The following CCSER1 variants were observed in gnomAD, a reference collection of about 807,000 sequenced individuals.
CCSER1 encodes coiled-coil serine rich protein 1, also known as serine-rich coiled-coil domain-containing protein 1.
A neutral mutation model predicts 82.0 loss-of-function variants in CCSER1; 41 were observed. The ratio of observed to expected loss-of-function variants is 0.50; its 90% CI spans 0.39 to 0.65. The LOEUF is 0.65. Ranked by LOEUF, CCSER1 falls within the 30% of genes least tolerant of loss-of-function variation. The pLI is 0.00. For missense variants in CCSER1, 1,119 were observed against 1,064.2 expected, an observed-to-expected ratio of 1.05 and a Z score of -0.72; for synonymous variants, 414 against 383.9, an observed-to-expected ratio of 1.08 and a Z score of -0.92.
intron 7 of CCSER1, among the ~76,000 whole-genome samples, chr4:90,778,779 T>A (rs1460094989): frequency 2.0e-5 from 3 of 149,814 alleles, no homozygotes; most frequent in African/African-American, 7.3e-5. Flanking sequence ...TTGGTTGACT[T>A]AAAAAAAAAA....
chr4:91,166,806 A>G (rs951048941), intron 10 of CCSER1, among the ~76,000 whole-genome samples: 17 of 152,094 alleles, frequency 1.1e-4, no homozygotes, highest in African/African-American at 4.1e-4. Context: ...GCTTTCATTT[A>G]TTTGCTTTAA....
chr4:91,365,245 T>A (rs1244590111), intron 10 of CCSER1, among the ~76,000 whole-genome samples: 2 of 152,190 alleles, frequency 1.3e-5, no homozygotes, highest in African/African-American at 2.4e-5. Context: ...AGGTAAACAA[T>A]AACTACATCC....
rs1219758035 is a variant in CCSER1 at position 90,797,685 on chromosome 4, C to T, written c.2011-18077C>T. On this transcript the variant is annotated intron_variant, in intron 7 of 10. Coordinates refer to ENST00000509176, the MANE Select transcript of CCSER1 (RefSeq NM_001145065.2). ...CAAGTCTGGTGGTAACAAATTCCCT[C>T]AGCATTTGCTTGTCTGAGAAAGATC... Among the ~76,000 whole-genome samples the T allele has an allele frequency of 3.3e-5, 5 of 152,206 alleles. No homozygotes were observed. The East Asian group carries it at 9.6e-4, about 29-fold the overall frequency.
intron 3 of CCSER1, among the ~76,000 whole-genome samples, chr4:90,372,955 C>G (rs1323457668): frequency 7.6e-6 from 1 of 131,092 alleles, no homozygotes; most frequent in Non-Finnish European, 1.8e-5. Context: ...AAAGGAGATG[C>G]AAACTGTTGC....
At chr4:90,336,950 A>G (rs542777291) in intron 3 of CCSER1, among the ~76,000 whole-genome samples, 4 of 152,340 alleles carry the variant, frequency 2.6e-5, no homozygotes, top group African/African-American at 9.6e-5. Context: ...AAAGGTGAAC[A>G]CATCACAAAT....
intron 5 of CCSER1, among the ~76,000 whole-genome samples, chr4:90,517,724 A>G (rs1007414013): frequency 2.0e-5 from 3 of 152,162 alleles, no homozygotes; most frequent in African/African-American, 7.2e-5. Flanking sequence ...TAAAACTTAC[A>G]CATTCAGAGA....
At chr4:90,754,882 T>G (rs1749243288) in intron 7 of CCSER1, among the ~76,000 whole-genome samples, 1 of 152,204 alleles carries the variant, frequency 6.6e-6, no homozygotes, top group Non-Finnish European at 1.5e-5. Context: ...AGCATAGGGC[T>G]GCTCCTGGAA....
chr4:90,327,573 C>T (rs776633098), intron 3 of CCSER1, among the ~76,000 whole-genome samples: 38 of 152,180 alleles, frequency 2.5e-4, no homozygotes, highest in African/African-American at 6.5e-4. Flanking sequence ...GTGACACTTG[C>T]CATACTCATT....
At chr4:90,268,034 G>A (rs1174106201) in intron 1 of CCSER1, among the ~76,000 whole-genome samples, 1 of 152,104 alleles carries the variant, frequency 6.6e-6, no homozygotes. Context: ...TTTTACCCTA[G>A]AATAGTATAT....
intron 10 of CCSER1, among the ~76,000 whole-genome samples, chr4:91,276,263 A>G (rs918734210): frequency 1.4e-5 from 2 of 147,516 alleles, no homozygotes; most frequent in South Asian, 4.2e-4. Flanking sequence ...TAGTTACATT[A>G]ATGATGTTAA....
intron 9 of CCSER1, among the ~76,000 whole-genome samples, chr4:90,964,239 A>G (rs558598880): frequency 6.6e-6 from 1 of 152,308 alleles, no homozygotes; most frequent in South Asian, 2.1e-4. Context: ...TAAAAATAAC[A>G]TTGTTTCCAA....
chr4:91,486,941 TGTA>T (rs1303178419), intron 10 of CCSER1, among the ~76,000 whole-genome samples: 1 of 152,128 alleles, frequency 6.6e-6, no homozygotes, highest in Non-Finnish European at 1.5e-5. Flanking sequence ...TTAATCATGT[TGTA>T]GTAACTGCTG....
rs573627005 is a variant in CCSER1 at position 90,158,734 on chromosome 4, C to T, written c.-42+30903C>T. Among the ~76,000 whole-genome samples, 45 of 152,302 alleles carry T rather than the reference C, an allele frequency of 3.0e-4. 1 individual carries two copies. In the South Asian group the frequency reaches 8.1e-3, roughly 27 times the overall value. ...CCGTTTTTTAAGCCTGTCAGAAAAGCGCAGAATTAGGGTGGGACTGACCCG... is the reference window on the plus strand; with the variant it reads ...CCGTTTTTTAAGCCTGTCAGAAAAGTGCAGAATTAGGGTGGGACTGACCCG... On this transcript the variant is annotated intron_variant, in intron 1 of 10. Coordinates refer to ENST00000509176, the MANE Select transcript of CCSER1 (RefSeq NM_001145065.2).
intron 10 of CCSER1, among the ~76,000 whole-genome samples, chr4:91,542,138 A>G (rs2110198929): frequency 6.6e-6 from 1 of 152,320 alleles, no homozygotes; most frequent in South Asian, 2.1e-4. Context: ...GCCCTTTGCC[A>G]GATGGGTAGA....
At chr4:90,813,426 C>T (rs1758598943) in intron 7 of CCSER1, among the ~76,000 whole-genome samples, 1 of 152,214 alleles carries the variant, frequency 6.6e-6, no homozygotes, top group African/African-American at 2.4e-5. Flanking sequence ...GCTCCTTTCA[C>T]AGCCTGGTGG....
intron 8 of CCSER1, among the ~76,000 whole-genome samples, chr4:90,819,772 A>G (rs910561302): frequency 1.3e-5 from 2 of 152,222 alleles, no homozygotes; most frequent in Admixed American, 6.5e-5. Flanking sequence ...AAGACTTATT[A>G]TCCCTGAAAT....
At chr4:90,648,284 GGAAAGAAAGAAAGAAAGAAAGAAA>G (rs564907502) in intron 6 of CCSER1, among the ~76,000 whole-genome samples, 11 of 89,956 alleles carry the variant, frequency 1.2e-4, no homozygotes, top group Admixed American at 3.9e-4. Context: ...GAGAAAGAAA[GGAAAGAAAGAAAGAAAGAAAGAAA>G]GAAAGAAAGA....
chr4:90,321,313 ATT>A (rs772639261), intron 3 of CCSER1, among the ~76,000 whole-genome samples: 40 of 152,118 alleles, frequency 2.6e-4, no homozygotes, highest in Admixed American at 6.5e-4. Context: ...AATAGGCAAA[ATT>A]TGTCTTTCCA....
At chr4:91,595,236 C>T (rs1764510155) in intron 10 of CCSER1, among the ~76,000 whole-genome samples, 1 of 152,090 alleles carries the variant, frequency 6.6e-6, no homozygotes, top group African/African-American at 2.4e-5. Context: ...AGTGTAATTG[C>T]ACAGAATTTA....
Sources: allele counts gnomAD v4.1 joint callset (sites outside exome capture counted in the v4.1 genomes callset), GRCh38; gene constraint gnomAD v4.1.1; transcripts MANE v1.5; gene names NCBI Gene and HGNC (gene_info 2026-07-23, HGNC 2026-07-21).